APBA2: variants seen among roughly 807,000 people sequenced by gnomAD.
The protein encoded by APBA2 is amyloid beta precursor protein binding family A member 2.
Under a neutral mutation model 75.0 loss-of-function variants are expected in APBA2, and 30 were observed. The observed-to-expected ratio is 0.40, with a 90% CI of 0.30 to 0.54. The LOEUF is 0.54. Among genes scored for constraint, APBA2 ranks in the 20% least tolerant of loss-of-function variants. The pLI, the probability that APBA2 is intolerant of heterozygous loss-of-function variation, is 0.49. For missense variants in APBA2, 801 were observed against 1,016.1 expected, an observed-to-expected ratio of 0.79 and a Z score of 2.88; for synonymous variants, 444 against 409.6, an observed-to-expected ratio of 1.08 and a Z score of -1.01.
intron 14 of APBA2, among the ~76,000 whole-genome samples, chr15:29,116,028 G>A (rs558142970): frequency 4.6e-5 from 7 of 151,920 alleles, no homozygotes; most frequent in Non-Finnish European, 1.0e-4. Flanking sequence ...AGAGCGTCGT[G>A]CTCAGGAGAG....
intron 9 of APBA2, 82 bp downstream of exon 9, chr15:29,098,658 C>A (rs1188381120): frequency 1.8e-6 from 2 of 1,133,656 alleles, no homozygotes; most frequent in Non-Finnish European, 2.6e-6. Flanking sequence ...GGCCCTCGTT[C>A]TCAGCAGCTT....
intron 2 of APBA2, chr15:28,990,619 G>C (rs930772019): frequency 6.6e-6 from 1 of 152,158 alleles, no homozygotes; most frequent in East Asian, 1.9e-4. Flanking sequence ...CTCTATATCT[G>C]CACTCCCAAC....
chr15:28,951,860 C>T (rs1222548514), intron 2 of APBA2, among the ~76,000 whole-genome samples: 5 of 4,234 alleles, frequency 1.2e-3, no homozygotes, highest in South Asian at 4.3e-3. Flanking sequence ...GGATTACAGG[C>T]GTGAGCCCAC....
chr15:29,077,675 G>T (rs2042909323), intron 6 of APBA2, among the ~76,000 whole-genome samples: 1 of 152,208 alleles, frequency 6.6e-6, no homozygotes, highest in African/African-American at 2.4e-5. Flanking sequence ...GGCTAAAACT[G>T]CTGTGACCAG....
intron 4 of APBA2, among the ~76,000 whole-genome samples, chr15:29,059,470 T>C (rs2152899026): frequency 6.6e-6 from 1 of 152,270 alleles, no homozygotes; most frequent in South Asian, 2.1e-4. Context: ...CAATAACTGA[T>C]TAAAAAACAC....
chr15:28,962,285 G>T (rs2036514537), intron 2 of APBA2, among the ~76,000 whole-genome samples: 1 of 151,866 alleles, frequency 6.6e-6, no homozygotes, highest in Non-Finnish European at 1.5e-5. Flanking sequence ...ATAAAGATGG[G>T]TTTCGGCTGG....
chr15:28,924,428 A>AC (rs1447313300), intron 2 of APBA2, among the ~76,000 whole-genome samples: 1 of 151,928 alleles, frequency 6.6e-6, no homozygotes, highest in Non-Finnish European at 1.5e-5. Flanking sequence ...CAGCCTCCCT[A>AC]CCCCAGTCTC....
chr15:29,052,872 C>G (rs1239381600), intron 3 of APBA2, among the ~76,000 whole-genome samples: 4 of 152,140 alleles, frequency 2.6e-5, no homozygotes, highest in Non-Finnish European at 5.9e-5. Flanking sequence ...GAGCCAAACT[C>G]ACTTTTATAA....
At chr15:29,089,259 C>T (rs373883663) in intron 6 of APBA2, among the ~76,000 whole-genome samples, 1 of 152,204 alleles carries the variant, frequency 6.6e-6, no homozygotes, top group African/African-American at 2.4e-5. Context: ...GGCAAAGCCA[C>T]GTGACCCACT....
Position 29,046,186 on chromosome 15 carries a change from A to G in APBA2, c.-40-7659A>G, listed in dbSNP as rs963078634. On this transcript the variant is annotated intron_variant, in intron 3 of 14. Transcript: ENST00000683413. The surrounding 1 kb of genome is among the most constrained non-coding windows in gnomAD (Gnocchi z 5.0). ...GCAAACTGCTTCTGTGCAAAAGGCA[A>G]TGTGTTAGTTCCTTGCAGGAATATG... Among the ~76,000 whole-genome samples the G allele has an allele frequency of 6.6e-6, 1 of 152,222 alleles. No homozygotes were observed. The highest frequency in any genetic ancestry group is 2.4e-5 in the African/African-American group (1 of 41,458).
chr15:29,011,932 A>T (rs1395140332), intron 3 of APBA2, among the ~76,000 whole-genome samples: 1 of 152,156 alleles, frequency 6.6e-6, no homozygotes, highest in African/African-American at 2.4e-5. Flanking sequence ...TTTTCGTAAA[A>T]TCTAGTTTGT....
Position 29,098,540 on chromosome 15 carries a change from C to T in APBA2, c.1302C>T (p.Ser434=). 6.2e-7 allele frequency: 1 copy of T among 1,614,122 alleles called. No individual in the cohort carries two copies. ...QTLTEVDLFI[S]TQRIKVLNAD... ...TGACGGAAGTGGACCTCTTCATTTC[C>T]ACCCAGAGGATCAAGGTTTTAAATG... is the stretch of plus-strand genomic sequence containing the variant. Residue 434 remains serine, a synonymous_variant, in exon 9 of 15, where the codon TCC becomes TCT. Coordinates refer to ENST00000683413, the MANE Select transcript of APBA2 (RefSeq NM_001353788.2).
chr15:28,972,141 G>A (rs1041847371), intron 2 of APBA2, among the ~76,000 whole-genome samples: 3 of 152,034 alleles, frequency 2.0e-5, no homozygotes, highest in African/African-American at 7.3e-5. Flanking sequence ...TTCCCCAAAG[G>A]GATAGTAGTT....
At chr15:29,035,977 C>T (rs1040209506) in intron 3 of APBA2, among the ~76,000 whole-genome samples, 1 of 152,186 alleles carries the variant, frequency 6.6e-6, no homozygotes, top group East Asian at 1.9e-4. Context: ...TGGCAACCTT[C>T]CTGGTTGCAA....
intron 2 of APBA2, among the ~76,000 whole-genome samples, chr15:28,982,585 C>A (rs2037682695): frequency 6.6e-6 from 1 of 152,232 alleles, no homozygotes; most frequent in African/African-American, 2.4e-5. Flanking sequence ...ATATATATTT[C>A]TGCTTTGGCA....
intron 3 of APBA2, among the ~76,000 whole-genome samples, chr15:29,000,663 G>A (rs544299783): frequency 1.7e-4 from 26 of 151,674 alleles, no homozygotes; most frequent in Non-Finnish European, 3.4e-4. Flanking sequence ...TGATCATGGC[G>A]CACTGCAACC....
chr15:29,011,477 G>A lies in APBA2; in HGVS notation c.-41+15671G>A, dbSNP rs1328740951. ...TATTTATTTCTAGCTTGCTTACCCC[G>A]TAGTCAGGAACAGATTATTTACAAT... On this transcript the variant is annotated intron_variant, in intron 3 of 14. Transcript: ENST00000683413. Among the ~76,000 whole-genome samples, 13 of 150,864 alleles carry A rather than the reference G, an allele frequency of 8.6e-5. No homozygotes were observed. The East Asian group carries it at 2.0e-3, about 23-fold the overall frequency.
intron 2 of APBA2, among the ~76,000 whole-genome samples, chr15:28,957,359 G>A (rs535799237): frequency 5.3e-5 from 8 of 152,288 alleles, no homozygotes; most frequent in African/African-American, 7.2e-5. Flanking sequence ...GATTACAGGC[G>A]TGAGCTACTG....
chr15:29,090,387 C>T (rs73370258), intron 6 of APBA2, among the ~76,000 whole-genome samples: 10,805 of 152,302 alleles, frequency 0.071, 929 homozygotes, highest in African/African-American at 0.21. Flanking sequence ...CAGTCTTTCC[C>T]AAATCTACTC....
Sources: gnomAD v4.1 joint callset for allele counts (sites outside exome capture counted in the v4.1 genomes callset) on GRCh38, gnomAD v4.1.1 for gene constraint, Gnocchi (gnomAD v3.1) non-coding constraint, MANE v1.5 for transcripts, NCBI Gene and HGNC (gene_info 2026-07-23, HGNC 2026-07-21) for gene names.